The following RFC3 variants were observed in gnomAD, a reference collection of about 807,000 sequenced individuals.
RFC3 encodes the protein A1 38 kDa subunit.
In RFC3, 41 loss-of-function variants were observed where a neutral mutation model predicts 45.1. The observed-to-expected ratio is 0.91, with a 90% CI of 0.71 to 1.18. RFC3 has a LOEUF of 1.18. Ranked by LOEUF, RFC3 falls within the 50% of genes most tolerant of loss-of-function variation. RFC3 has a pLI of 0.00. For missense variants in RFC3, 423 were observed against 428.1 expected (o/e 0.99, Z 0.10); for synonymous variants, 149 against 144.0 (o/e 1.03, Z -0.25).
intron 8 of RFC3, among the ~76,000 whole-genome samples, chr13:33,951,088 T>A (rs2082987689): frequency 7.6e-6 from 1 of 131,526 alleles, no homozygotes; most frequent in African/African-American, 2.8e-5. Flanking sequence ...CTGTTATCAA[T>A]AGAAAAGTTT....
chr13:33,838,362 T>C (rs2082173531), downstream of RFC3, among the ~76,000 whole-genome samples: 1 of 152,112 alleles, frequency 6.6e-6, no homozygotes, highest in African/African-American at 2.4e-5. Context: ...ATAGCGTACG[T>C]CTGCTAACAA....
intron 1 of RFC3, 88 bp from the exon 2 acceptor site, chr13:33,821,044 T>G (rs1007181026): frequency 3.0e-6 from 4 of 1,344,124 alleles, no homozygotes; most frequent in Non-Finnish European, 4.1e-6. Flanking sequence ...GGTAGACACA[T>G]AAAATATTTG....
intron 8 of RFC3, among the ~76,000 whole-genome samples, chr13:33,859,591 CTA>C (rs1422955916): frequency 6.6e-6 from 1 of 152,132 alleles, no homozygotes. Flanking sequence ...GGGTGGCAGA[CTA>C]TGGATAATTC....
At chr13:33,939,924 G>A (rs1483097328) in intron 8 of RFC3, among the ~76,000 whole-genome samples, 9 of 151,958 alleles carry the variant, frequency 5.9e-5, no homozygotes, top group African/African-American at 2.2e-4. Context: ...TGCTTCTTTT[G>A]TATATTTCTG....
rs558765763 is a variant in RFC3 at position 33,855,855 on chromosome 13, G to A, written c.879+20638G>A. Among the ~76,000 whole-genome samples, 11 of 152,056 alleles carry A rather than the reference G, an allele frequency of 7.2e-5. No individual in the cohort carries two copies. The South Asian group carries it at 2.3e-3, about 32-fold the overall frequency. On this transcript the variant is annotated intron_variant, in intron 8 of 8. Coordinates refer to the RFC3 transcript ENST00000434425. ...TCTTGTAAATTTAAGTTTTTTATAGGTGCTGGATATTAGACCTCTGTCTGA... is the reference window on the plus strand; with the variant it reads ...TCTTGTAAATTTAAGTTTTTTATAGATGCTGGATATTAGACCTCTGTCTGA...
chr13:33,837,818 A>G (rs1410036583), downstream of RFC3, among the ~76,000 whole-genome samples: 2 of 152,102 alleles, frequency 1.3e-5, no homozygotes, highest in Admixed American at 6.6e-5. Context: ...CTTTTCTAAT[A>G]TAATTTAAAG....
downstream of RFC3, among the ~76,000 whole-genome samples, chr13:33,838,320 T>C (rs2082173099): frequency 6.6e-6 from 1 of 152,128 alleles, no homozygotes; most frequent in African/African-American, 2.4e-5. Context: ...AGCTTTCTTT[T>C]GATTAGTGTT....
At chr13:33,883,016 G>A (rs2082495370) in intron 8 of RFC3, among the ~76,000 whole-genome samples, 2 of 152,166 alleles carry the variant, frequency 1.3e-5, no homozygotes, top group Admixed American at 6.5e-5. Flanking sequence ...ATGCTCTCAA[G>A]GATGTACATG....
intron 8 of RFC3, among the ~76,000 whole-genome samples, chr13:33,893,124 T>G (rs2082574066): frequency 6.6e-6 from 1 of 152,126 alleles, no homozygotes; most frequent in Non-Finnish European, 1.5e-5. Flanking sequence ...AACTCTGATC[T>G]GTAACTTGAA....
chr13:33,969,247 T>G (rs985027131), downstream of RFC3, among the ~76,000 whole-genome samples: 4 of 152,216 alleles, frequency 2.6e-5, no homozygotes, highest in Non-Finnish European at 5.9e-5. Flanking sequence ...GTAAGAATTT[T>G]TAACAAGCCT....
chr13:33,939,045 A>T (rs1330807963), intron 8 of RFC3, among the ~76,000 whole-genome samples: 2 of 152,066 alleles, frequency 1.3e-5, no homozygotes, highest in African/African-American at 4.8e-5. Context: ...TCATGTATGT[A>T]TTGATTCTGT....
intron 8 of RFC3, among the ~76,000 whole-genome samples, chr13:33,900,661 A>T (rs1186315713): frequency 6.6e-6 from 1 of 151,998 alleles, no homozygotes; most frequent in East Asian, 1.9e-4. Context: ...AGCACAGGCA[A>T]CCAAAGCAAA....
intron 8 of RFC3, among the ~76,000 whole-genome samples, chr13:33,882,099 A>G (rs2082488640): frequency 6.6e-6 from 1 of 152,236 alleles, no homozygotes; most frequent in South Asian, 2.1e-4. Flanking sequence ...AGACTACCAA[A>G]AAGTTACGAA....
chr13:33,971,597 A>T, the RFC3 span, among the ~76,000 whole-genome samples: 3 of 152,250 alleles, frequency 2.0e-5, no homozygotes, highest in Non-Finnish European at 4.4e-5. Flanking sequence ...CAAATGAAGA[A>T]GCATGTTTGT....
At chr13:33,957,937 GA>G (rs1460370135) in intron 8 of RFC3, among the ~76,000 whole-genome samples, 1 of 152,074 alleles carries the variant, frequency 6.6e-6, no homozygotes, top group Non-Finnish European at 1.5e-5. Context: ...AGGAAATTAG[GA>G]ATACAATGGT....
chr13:33,884,292 T>C (rs2137608053), intron 8 of RFC3, among the ~76,000 whole-genome samples: 1 of 152,326 alleles, frequency 6.6e-6, no homozygotes, highest in South Asian at 2.1e-4. Context: ...GTGTGCTTGC[T>C]TTGGAGAAAT....
intron 8 of RFC3, among the ~76,000 whole-genome samples, chr13:33,875,378 T>C (rs1289776191): frequency 2.0e-5 from 3 of 152,122 alleles, no homozygotes; most frequent in Non-Finnish European, 4.4e-5. Context: ...ACCTGCAGAA[T>C]GACGAAGCAT....
intron 7 of RFC3, among the ~76,000 whole-genome samples, chr13:33,833,381 C>G (rs908992954): frequency 1.3e-5 from 2 of 151,642 alleles, no homozygotes; most frequent in African/African-American, 4.8e-5. Flanking sequence ...AAAAAAAAAC[C>G]CTGACATTTA....
intron 8 of RFC3, among the ~76,000 whole-genome samples, chr13:33,900,309 T>C (rs1207222188): frequency 6.6e-6 from 1 of 151,926 alleles, no homozygotes; most frequent in South Asian, 2.1e-4. Flanking sequence ...CAAATCAGCA[T>C]GGTACTGGCA....
Sources: gnomAD v4.1 joint callset for allele counts (sites outside exome capture counted in the v4.1 genomes callset) on GRCh38, gnomAD v4.1.1 for gene constraint, MANE v1.5 for transcripts, NCBI Gene and HGNC (gene_info 2026-07-23, HGNC 2026-07-21) for gene names.